Variants in MPIG6B observed in about 807,000 individuals in gnomAD.
MPIG6B encodes the protein megakaryocyte and platelet inhibitory receptor G6b, also known as immunoglobulin receptor.
In MPIG6B, 22 loss-of-function variants were observed where a neutral mutation model predicts 24.2. The observed-to-expected ratio is 0.91, with a 90% confidence interval of 0.65 to 1.30. The LOEUF is 1.30. Among genes scored for constraint, MPIG6B ranks in the 50% most tolerant of loss-of-function variants. The pLI is 0.00. For synonymous variants in MPIG6B, 136 were observed against 142.0 expected, an observed-to-expected ratio of 0.96 and a Z score of 0.30; for missense variants, 301 against 318.5, an observed-to-expected ratio of 0.94 and a Z score of 0.42.
chr6:31,724,289 A>G, intron 3 of MPIG6B, 57 bp downstream of exon 3: 4 of 1,384,282 alleles, frequency 2.9e-6, no homozygotes, highest in Non-Finnish European at 4.1e-6. Flanking sequence ...TGGAAGGGGC[A>G]GGACCAGAAC....
chr6:31,721,442 C>A (rs541347834), upstream of MPIG6B, among the ~76,000 whole-genome samples: 25 of 151,822 alleles, frequency 1.6e-4, no homozygotes, highest in South Asian at 1.3e-3. Context: ...GGAGACCTGG[C>A]TTTTTGAGAA....
rs1288868965 is a variant in MPIG6B, at chr6:31,723,645, TG to T, written c.70del (p.Asp24ThrfsTer8). ...AGCCTCCGGCCTCTCCTAGCTTCTCTGGACGGCCGCCCTGGGGACCGGGTGA... is the reference window on the plus strand; with the variant it reads ...AGCCTCCGGCCTCTCCTAGCTTCTCTGACGGCCGCCCTGGGGACCGGGTGA... ...SRAQGNPGAS[L>X]DGRPGDRVNL... On this transcript the variant is annotated frameshift_variant, in exon 2 of 6. Transcript: ENST00000649779. LOFTEE classifies it high-confidence loss of function. This position sits in a 1 kb window ranked among gnomAD's most constrained non-coding sequence, Gnocchi z 4.3. 1 of 1,567,258 alleles carries T rather than the reference TG, an allele frequency of 6.4e-7. No homozygotes were observed. Among genetic ancestry groups the T allele is most frequent in the Non-Finnish European group, 8.6e-7 (1 of 1,158,210 alleles).
At chr6:31,723,121 T>A, upstream of MPIG6B, 1 of 557,376 alleles carries the variant, frequency 1.8e-6, no homozygotes. This position sits in a 1 kb window ranked among gnomAD's most constrained non-coding sequence, Gnocchi z 4.3. Context: ...TAGCTGGGAT[T>A]ACAGGCGCAC....
chr6:31,723,376 T>C lies in MPIG6B; in HGVS notation c.-8T>C, dbSNP rs770521355. 51 of 1,602,488 alleles carry C rather than the reference T, an allele frequency of 3.2e-5. No homozygotes were observed. In the South Asian group the frequency reaches 5.6e-4, roughly 18 times the overall value. On this transcript the variant is annotated 5_prime_UTR_variant, in exon 1 of 6. Transcript: ENST00000649779. The surrounding 1 kb of genome is among the most constrained non-coding windows in gnomAD (Gnocchi z 4.3). ...TCGCTCGCAGCTTCTCCTCACCACA[T>C]CCTAACCATGGCTGTGTTTCTGCAG...
In MPIG6B at chr6:31,725,328, T is replaced by G; in HGVS notation, c.*254T>G. On this transcript the variant is annotated 3_prime_UTR_variant, in exon 6 of 6. Coordinates refer to ENST00000649779, the MANE Select transcript of MPIG6B (RefSeq NM_138272.3). This position sits in a 1 kb window ranked among gnomAD's most constrained non-coding sequence, Gnocchi z 5.2. Reference sequence around the variant, plus strand: ...TCTCTATACCCAATCAAGCCCTAGCTCCTTTTTTTTTTTTTTTTGAGACGG... The same window carrying G: ...TCTCTATACCCAATCAAGCCCTAGCGCCTTTTTTTTTTTTTTTTGAGACGG... The G allele has an allele frequency of 2.3e-6, 1 of 437,916 alleles. No individual in the cohort carries two copies. The highest frequency in any genetic ancestry group is 4.0e-6 in the Non-Finnish European group (1 of 248,990). 27.1% of individuals were successfully genotyped at this position (437,916 alleles called of 1,614,324 possible). A position where few individuals can be genotyped will look rare whatever the true frequency, so the allele number is the denominator to read the frequency against.
intron 3 of MPIG6B, 149 bp downstream of exon 3, chr6:31,724,381 C>A: frequency 1.3e-6 from 1 of 784,990 alleles, no homozygotes. Flanking sequence ...GGAGCGAGGC[C>A]GCTGACTGGT....
At chr6:31,724,909 A>C in intron 5 of MPIG6B, 61 bp from the exon 6 acceptor site, 2 of 1,598,554 alleles carry the variant, frequency 1.3e-6, no homozygotes, top group Non-Finnish European at 1.7e-6. Flanking sequence ...AAAAAAAAAA[A>C]GGCCTGAACC....
chr6:31,721,794 C>T (rs1583811790), upstream of MPIG6B: 12 of 1,027,300 alleles, frequency 1.2e-5, 1 homozygote, highest in East Asian at 3.1e-4. Flanking sequence ...AGGCTCCTCC[C>T]TTCCCTGCCT....
upstream of MPIG6B, chr6:31,723,210 G>T (rs1806938459): frequency 1.5e-6 from 1 of 655,924 alleles, no homozygotes; most frequent in African/African-American, 1.8e-5. This position sits in a 1 kb window ranked among gnomAD's most constrained non-coding sequence, Gnocchi z 4.3. Flanking sequence ...TGAAGACTCC[G>T]AGTTTGCCTG....
At chr6:31,723,328 C>G (rs112943189), upstream of MPIG6B, 19,330 of 1,515,218 alleles carry the variant, frequency 0.013, 147 homozygotes, top group Non-Finnish European at 0.015. The surrounding 1 kb of genome is among the most constrained non-coding windows in gnomAD (Gnocchi z 4.3). Context: ...CGGTCCCCCC[C>G]CAACCGGCCC....
Position 31,723,680 on chromosome 6 carries a change from T to G in MPIG6B, c.103T>G (p.Cys35Gly). Residue 35 changes from cysteine to glycine, a missense_variant, in exon 2 of 6, where the codon TGC (cysteine) becomes GGC (glycine). Coordinates refer to ENST00000649779, the MANE Select transcript of MPIG6B (RefSeq NM_138272.3). This position sits in a 1 kb window ranked among gnomAD's most constrained non-coding sequence, Gnocchi z 4.3. ...GRPGDRVNLS[C>G]GGVSHPIRWV... ...CCCTGGGGACCGGGTGAATCTCTCC[T>G]GCGGAGGAGTCTCTCATCCCATCCG... 1.2e-6 allele frequency: 2 copies of G among 1,601,130 alleles called. No individual in the cohort carries two copies. Among genetic ancestry groups the G allele is most frequent in the Non-Finnish European group, 1.7e-6 (2 of 1,174,384 alleles).
At chr6:31,724,483 C>T (rs1242837861) in intron 3 of MPIG6B, 104 bp from the exon 4 acceptor site, 20 of 1,016,160 alleles carry the variant, frequency 2.0e-5, no homozygotes, top group Non-Finnish European at 3.0e-5. Context: ...AAGTTGTTTC[C>T]GGTCTGAGCC....
rs759479340 is a variant in MPIG6B, at chr6:31,723,913, C to T, written c.336C>T (p.His112=). ...DSGTFFCKGR[H]EDESRTVLHV... ...GCACTTTTTTCTGCAAGGGCCGCCA[C>T]GAGGACGAGAGCCGTACAGTGCTTC... Residue 112 remains histidine, a synonymous_variant, in exon 2 of 6, where the codon CAC becomes CAT. Transcript: ENST00000649779. The surrounding 1 kb of genome is among the most constrained non-coding windows in gnomAD (Gnocchi z 4.3). 6.3e-6 allele frequency: 10 copies of T among 1,597,226 alleles called. No individual in the cohort carries two copies. Among genetic ancestry groups the T allele is most frequent in the African/African-American group, 5.4e-5 (4 of 74,576 alleles).
chr6:31,723,273 C>G, upstream of MPIG6B: 1 of 637,672 alleles, frequency 1.6e-6, no homozygotes, highest in Non-Finnish European at 2.7e-6. The surrounding 1 kb of genome is among the most constrained non-coding windows in gnomAD (Gnocchi z 4.3). Context: ...CCTCTCTTAT[C>G]GGAGCCCCCC....
chr6:31,724,073 C>T lies in MPIG6B; in HGVS notation c.410-69C>T, dbSNP rs17201018. 2,222 of 1,567,238 alleles carry T rather than the reference C, an allele frequency of 1.4e-3. 23 individuals are homozygous for T. The African/African-American group carries it at 0.02, about 14-fold the overall frequency. On this transcript the variant is annotated intron_variant, in intron 2 of 5. Coordinates refer to ENST00000649779, the MANE Select transcript of MPIG6B (RefSeq NM_138272.3). ...AGGGCCTTGGCTGGGGGTTCTTGAG[C>T]GGGACTGCTGGCTGTCCCTCGTCAA...
In MPIG6B at chr6:31,723,840, A is replaced by ATACG. The variant is rs1562172747; in HGVS notation, c.263_264insTACG (p.Ser89ThrfsTer92). ...TTCGTCGGCCGCCTACGCTCCCTGG[A>ATACG]CTCTGGTATCCGGCGGCTGGAGCTC... On this transcript the variant is annotated frameshift_variant, in exon 2 of 6. Coordinates refer to ENST00000649779, the MANE Select transcript of MPIG6B (RefSeq NM_138272.3). LOFTEE classifies it high-confidence loss of function. This position sits in a 1 kb window ranked among gnomAD's most constrained non-coding sequence, Gnocchi z 4.3. The ATACG allele has an allele frequency of 6.2e-7, 1 of 1,610,862 alleles. No individual in the cohort carries two copies. Among genetic ancestry groups the ATACG allele is most frequent in the African/African-American group, 1.3e-5 (1 of 74,646 alleles).
chr6:31,721,585 C>A, upstream of MPIG6B: 2 of 1,593,414 alleles, frequency 1.3e-6, no homozygotes, highest in Non-Finnish European at 1.7e-6. Context: ...GTGTAAAGGT[C>A]CTGACCAGGC....
At position 31,723,681 on chromosome 6, in the gene MPIG6B, G is replaced by T; in HGVS notation, c.104G>T (p.Cys35Phe). 6.2e-7 allele frequency: 1 copy of T among 1,601,774 alleles called. No homozygotes were observed. The change falls in exon 2 of 6, where the codon TGC becomes TTC. Residue 35 changes from cysteine (C) to phenylalanine (F), a missense_variant. By Grantham distance (205) the Cys-to-Phe change is radical. Coordinates refer to ENST00000649779, the MANE Select transcript of MPIG6B (RefSeq NM_138272.3). This position sits in a 1 kb window ranked among gnomAD's most constrained non-coding sequence, Gnocchi z 4.3. The stretch of plus-strand genomic sequence containing the variant: ...CCTGGGGACCGGGTGAATCTCTCCT[G>T]CGGAGGAGTCTCTCATCCCATCCGC... ...GRPGDRVNLS[C>F]GGVSHPIRWV...
At position 31,725,296 on chromosome 6, in the gene MPIG6B, A is replaced by G; in HGVS notation, c.*222A>G. On this transcript the variant is annotated 3_prime_UTR_variant, in exon 6 of 6. Transcript: ENST00000649779. This position sits in a 1 kb window ranked among gnomAD's most constrained non-coding sequence, Gnocchi z 5.2. ...TAACCTCCATGTCTCCCTCACCACC[A>G]GTGTCCTCTCTATACCCAATCAAGC... 1 of 567,190 alleles carries G rather than the reference A, an allele frequency of 1.8e-6. No homozygotes were observed. Among genetic ancestry groups the G allele is most frequent in the Non-Finnish European group, 3.1e-6 (1 of 320,850 alleles). The allele number at this position is 567,190 out of a possible 1,614,324, so 35.1% of individuals were successfully genotyped here.
Sources: allele counts gnomAD v4.1 joint callset (sites outside exome capture counted in the v4.1 genomes callset), GRCh38; gene constraint gnomAD v4.1.1; non-coding constraint Gnocchi (gnomAD v3.1); transcripts MANE v1.5; gene names NCBI Gene and HGNC (gene_info 2026-07-23, HGNC 2026-07-21).